The following DNAJC11 variants were observed in gnomAD, a reference collection of about 807,000 sequenced individuals.
The protein encoded by DNAJC11 is dnaJ homolog subfamily C member 11.
DNAJC11 carries 15 observed loss-of-function variants against 78.6 expected under a neutral mutation model. The ratio of observed to expected loss-of-function variants is 0.19; its 90% CI spans 0.13 to 0.29. The LOEUF (loss-of-function observed/expected upper bound fraction) is 0.29, where lower values mean the gene tolerates loss of function less well. Ranked by LOEUF, DNAJC11 falls within the 10% of genes least tolerant of loss-of-function variation. DNAJC11 has a pLI of 1.00. For missense variants in DNAJC11, 547 were observed against 709.6 expected (o/e 0.77, Z 2.60); for synonymous variants, 292 against 272.1 (o/e 1.07, Z -0.72).
At position 6,657,194 on chromosome 1, in the gene DNAJC11, C is replaced by A. The variant is rs139093745; in HGVS notation, c.379-3155G>T. On this transcript the variant is annotated intron_variant, in intron 4 of 15. Coordinates refer to ENST00000377577, the MANE Select transcript of DNAJC11 (RefSeq NM_018198.4). ...GATGTGATGGTGCTGACTTCAAGAC[C>A]AGCTCACGAGAAGCCTTGCAGCTTG... Among the ~76,000 whole-genome samples the A allele has an allele frequency of 3.3e-3, 506 of 152,164 alleles. 2 individuals carry two copies. The highest frequency in any genetic ancestry group is 4.6e-3 in the Non-Finnish European group (316 of 68,016).
intron 3 of DNAJC11, among the ~76,000 whole-genome samples, chr1:6,671,720 G>C (rs972041681): frequency 6.6e-6 from 1 of 150,484 alleles, no homozygotes; most frequent in Non-Finnish European, 1.5e-5. Context: ...TTTTAGTACA[G>C]ACTGGGTTTC....
At chr1:6,635,725 G>T (rs745978742) in intron 15 of DNAJC11, 25 bp from the exon 16 acceptor site, 10 of 1,614,100 alleles carry the variant, frequency 6.2e-6, no homozygotes, top group Non-Finnish European at 8.5e-6. Context: ...ACAGACGCAG[G>T]TGATCAGAAG....
intron 10 of DNAJC11, among the ~76,000 whole-genome samples, chr1:6,643,913 C>A (rs898721764): frequency 6.6e-6 from 1 of 152,116 alleles, no homozygotes; most frequent in Non-Finnish European, 1.5e-5. Context: ...CTCTGTCACC[C>A]GGGCTGGAGT....
intron 7 of DNAJC11, among the ~76,000 whole-genome samples, chr1:6,646,297 G>A (rs377267548): frequency 6.6e-6 from 1 of 152,220 alleles, no homozygotes; most frequent in African/African-American, 2.4e-5. Flanking sequence ...GGGCCGAGGA[G>A]TGCAAGTCAG....
intron 1 of DNAJC11, 40 bp from the exon 2 acceptor site, chr1:6,681,077 A>C (rs1317371718): frequency 6.4e-7 from 1 of 1,569,652 alleles, no homozygotes; most frequent in Non-Finnish European, 8.7e-7. Flanking sequence ...AATCAATGCT[A>C]CTTAAACATT....
intron 1 of DNAJC11, among the ~76,000 whole-genome samples, chr1:6,696,360 T>G (rs754932148): frequency 6.6e-6 from 1 of 152,220 alleles, no homozygotes; most frequent in South Asian, 2.1e-4. Context: ...TTGGCACAGT[T>G]GAGCCTTTTA....
intron 4 of DNAJC11, among the ~76,000 whole-genome samples, chr1:6,663,967 C>T (rs1642256938): frequency 6.6e-6 from 1 of 152,196 alleles, no homozygotes; most frequent in Admixed American, 6.5e-5. Flanking sequence ...GCCCTGGACA[C>T]CAAGTCCAAG....
intron 1 of DNAJC11, among the ~76,000 whole-genome samples, chr1:6,690,215 C>A (rs928045160): frequency 6.6e-6 from 1 of 151,988 alleles, no homozygotes; most frequent in Admixed American, 6.6e-5. Flanking sequence ...TATATATATA[C>A]CAGATCAACG....
intron 1 of DNAJC11, among the ~76,000 whole-genome samples, chr1:6,695,627 T>TAAAAAA (rs70984004): frequency 0.046 from 3,828 of 82,566 alleles, 435 homozygotes; most frequent in South Asian, 0.064. Context: ...CTATCTCTAC[T>TAAAAAA]AAAAAAAAAA....
At position 6,637,323 on chromosome 1, in the gene DNAJC11, C is replaced by A; in HGVS notation, c.1399G>T (p.Ala467Ser). 6.2e-7 allele frequency: 1 copy of A among 1,614,226 alleles called. No individual in the cohort carries two copies. The highest frequency in any genetic ancestry group is 1.1e-5 in the South Asian group (1 of 91,084). Residue 467 changes from alanine (A) to serine (S), a missense_variant, in exon 14 of 16, where the codon GCC becomes TCC. Coordinates refer to ENST00000377577, the MANE Select transcript of DNAJC11 (RefSeq NM_018198.4). Reference protein sequence around the residue: ...ESRMGLIIVNAWYGKFVNDKS... With the variant: ...ESRMGLIIVNSWYGKFVNDKS... ...TCATTGACAAACTTCCCGTACCAGG[C>A]ATTGACGATGATGAGGCCTAAGGAC...
At chr1:6,642,769 C>T (rs535769472) in intron 10 of DNAJC11, among the ~76,000 whole-genome samples, 1 of 152,190 alleles carries the variant, frequency 6.6e-6, no homozygotes, top group Admixed American at 6.5e-5. Context: ...AGGGAGGGAT[C>T]GAGTTCTGTT....
At chr1:6,669,361 A>G (rs1642341030) in intron 3 of DNAJC11, among the ~76,000 whole-genome samples, 1 of 149,692 alleles carries the variant, frequency 6.7e-6, no homozygotes, top group South Asian at 2.1e-4. Flanking sequence ...AATACAAAAC[A>G]TTAGCTGGGC....
chr1:6,664,314 A>G (rs1256494724), intron 4 of DNAJC11, among the ~76,000 whole-genome samples: 1 of 148,886 alleles, frequency 6.7e-6, no homozygotes, highest in African/African-American at 2.5e-5. Context: ...ATCTCAGCTC[A>G]CTGCAAGCTC....
chr1:6,654,076 G>A, intron 4 of DNAJC11, 37 bp from the exon 5 acceptor site: 4 of 1,605,490 alleles, frequency 2.5e-6, no homozygotes, highest in Non-Finnish European at 2.6e-6. Flanking sequence ...AGAACGGGTG[G>A]TATTTGTGGA....
intron 4 of DNAJC11, among the ~76,000 whole-genome samples, chr1:6,654,934 G>A (rs1276450919): frequency 6.6e-6 from 1 of 152,046 alleles, no homozygotes; most frequent in Non-Finnish European, 1.5e-5. Context: ...GAGTAGCTGG[G>A]ACTACAGGCG....
chr1:6,667,236 T>TGCCCTGA (rs995047805), intron 4 of DNAJC11, among the ~76,000 whole-genome samples: 8 of 152,298 alleles, frequency 5.3e-5, no homozygotes, highest in Admixed American at 1.3e-4. Context: ...CATGTGGACA[T>TGCCCTGA]GCCCTGAGCC....
Position 6,635,689 on chromosome 1 carries a change from C to A in DNAJC11, c.1666G>T (p.Asp556Tyr). Reference protein sequence around the residue: ...LRIPKQSHRIDTDG With the variant: ...LRIPKQSHRIYTDG ...TTCTTGGCAGTTTATCCATCTGTAT[C>A]GATCCTGTGGGCTGTAAAGGAAAAG... Residue 556 changes from aspartate to tyrosine, a missense_variant, in exon 16 of 16, where the codon GAT (aspartate) becomes TAT (tyrosine). Coordinates refer to ENST00000377577, the MANE Select transcript of DNAJC11 (RefSeq NM_018198.4). 1 of 1,614,100 alleles carries A rather than the reference C, an allele frequency of 6.2e-7. No individual in the cohort carries two copies.
chr1:6,664,977 A>G (rs1642272853), intron 4 of DNAJC11, among the ~76,000 whole-genome samples: 1 of 152,180 alleles, frequency 6.6e-6, no homozygotes. Flanking sequence ...AGGCGGCAAT[A>G]TCACGCACGG....
rs778233892 is a variant in DNAJC11, at chr1:6,638,256, C to A, written c.1323+39G>T. 1.1e-5 allele frequency: 17 copies of A among 1,598,380 alleles called. No individual in the cohort carries two copies. In the South Asian group the frequency reaches 1.6e-4, roughly 15 times the overall value. On this transcript the variant is annotated intron_variant, in intron 12 of 15. Coordinates refer to ENST00000377577, the MANE Select transcript of DNAJC11 (RefSeq NM_018198.4). Reference sequence around the variant, plus strand: ...AACATGTGGGGTGTGGAGTGTGTCCCCTACAGCCCTCGCTTGGGAACGGTG... The same window carrying A: ...AACATGTGGGGTGTGGAGTGTGTCCACTACAGCCCTCGCTTGGGAACGGTG...
Sources: gnomAD v4.1 joint callset for allele counts (sites outside exome capture counted in the v4.1 genomes callset) on GRCh38, gnomAD v4.1.1 for gene constraint, MANE v1.5 for transcripts, NCBI Gene and HGNC (gene_info 2026-07-23, HGNC 2026-07-21) for gene names.